The following ULK4 variants were observed in gnomAD, a reference collection of about 807,000 sequenced individuals.
ULK4 encodes inactive serine/threonine-protein kinase ULK4.
In ULK4, 133 loss-of-function variants were observed where a neutral mutation model predicts 160.6. That is an observed-to-expected ratio of 0.83 (90% CI 0.72 to 0.96). The LOEUF is 0.96. ULK4 is among the 40% of genes least tolerant of loss of function. ULK4 has a pLI of 0.00. For missense variants in ULK4, 1,580 were observed against 1,499.5 expected, an observed-to-expected ratio of 1.05 and a Z score of -0.89; for synonymous variants, 534 against 539.8, an observed-to-expected ratio of 0.99 and a Z score of 0.15.
At position 41,737,511 on chromosome 3, in the gene ULK4, C is replaced by T. The variant is rs925540178; in HGVS notation, c.2321+16850G>A. 3.9e-5 allele frequency among the ~76,000 whole-genome samples: 6 copies of T among 151,948 alleles called. No homozygotes were observed. The East Asian group carries it at 5.8e-4, about 15-fold the overall frequency. ...ACTTTCTTCACAGAACTGGAAAAAA[C>T]GACTTTCAAGTTCATATGGAACCAA... On this transcript the variant is annotated intron_variant, in intron 22 of 36. Transcript: ENST00000301831.
chr3:41,388,132 G>T (rs1011122934), intron 35 of ULK4, among the ~76,000 whole-genome samples: 1 of 152,184 alleles, frequency 6.6e-6, no homozygotes, highest in Non-Finnish European at 1.5e-5. Flanking sequence ...CAGTGATGAT[G>T]AGCGTTTTTT....
intron 27 of ULK4, among the ~76,000 whole-genome samples, chr3:41,691,385 C>G (rs2036292214): frequency 6.6e-6 from 1 of 151,830 alleles, no homozygotes; most frequent in South Asian, 2.1e-4. Flanking sequence ...GCCCACTTGG[C>G]CCTCTTCCAA....
chr3:41,655,649 G>A (rs1430810035), intron 30 of ULK4, among the ~76,000 whole-genome samples: 1 of 152,176 alleles, frequency 6.6e-6, no homozygotes, highest in Non-Finnish European at 1.5e-5. Context: ...CAAGGCTGCA[G>A]TAAGTGGTGA....
intron 31 of ULK4, among the ~76,000 whole-genome samples, chr3:41,602,459 CAG>C (rs1290319259): frequency 1.3e-5 from 2 of 151,806 alleles, no homozygotes. Flanking sequence ...GGAAGAAAGA[CAG>C]AAAACTAGAG....
chr3:41,943,698 A>G (rs1476044008), intron 2 of ULK4, among the ~76,000 whole-genome samples: 3 of 152,154 alleles, frequency 2.0e-5, no homozygotes, highest in Admixed American at 2.0e-4. Flanking sequence ...GGCTCCTGGC[A>G]TGGAATCCAC....
intron 2 of ULK4, among the ~76,000 whole-genome samples, chr3:41,953,664 G>A (rs1167356516): frequency 6.6e-6 from 1 of 152,070 alleles, no homozygotes; most frequent in Non-Finnish European, 1.5e-5. Context: ...ATCACCCAGT[G>A]TCCTTCCTTG....
At chr3:41,380,682 C>T (rs1303701736) in intron 35 of ULK4, among the ~76,000 whole-genome samples, 1 of 152,136 alleles carries the variant, frequency 6.6e-6, no homozygotes, top group Non-Finnish European at 1.5e-5. Flanking sequence ...TACAGGTCGC[C>T]ATGTAAAGCC....
chr3:41,639,798 C>T (rs1297025526), intron 30 of ULK4, among the ~76,000 whole-genome samples: 1 of 152,068 alleles, frequency 6.6e-6, no homozygotes, highest in Non-Finnish European at 1.5e-5. Context: ...AGGCAACTGT[C>T]ATTTTTATAC....
chr3:41,404,160 T>G (rs2082244220), intron 34 of ULK4, among the ~76,000 whole-genome samples: 1 of 152,064 alleles, frequency 6.6e-6, no homozygotes, highest in African/African-American at 2.4e-5. Context: ...GTTGTTCTAT[T>G]AATTCCTAAG....
intron 19 of ULK4, among the ~76,000 whole-genome samples, chr3:41,802,993 C>A (rs940979322): frequency 1.3e-5 from 2 of 151,960 alleles, no homozygotes. Flanking sequence ...GGTGAAACCC[C>A]ATCTCTACCA....
chr3:41,884,677 T>C (rs1697654671), intron 16 of ULK4, among the ~76,000 whole-genome samples: 1 of 152,198 alleles, frequency 6.6e-6, no homozygotes. Context: ...TCAGCTTTTA[T>C]TTTTTACCAT....
chr3:41,871,637 T>C (rs182133090), intron 17 of ULK4, among the ~76,000 whole-genome samples: 1 of 152,352 alleles, frequency 6.6e-6, no homozygotes. Context: ...ACTATTCATA[T>C]AGCCTCTTTG....
At chr3:41,797,257 G>C (rs1005179120) in intron 20 of ULK4, among the ~76,000 whole-genome samples, 6 of 151,760 alleles carry the variant, frequency 4.0e-5, no homozygotes, top group Admixed American at 3.9e-4. Flanking sequence ...ATATGCAACA[G>C]AGACTGTATA....
At chr3:41,486,379 C>G (rs973721055) in intron 32 of ULK4, among the ~76,000 whole-genome samples, 1 of 152,098 alleles carries the variant, frequency 6.6e-6, no homozygotes, top group African/African-American at 2.4e-5. Context: ...TTAAAGTGTG[C>G]AGAAATAAAC....
chr3:41,954,444 G>T (rs1559674850), intron 2 of ULK4, among the ~76,000 whole-genome samples, 178 bp downstream of exon 2: 1 of 152,052 alleles, frequency 6.6e-6, no homozygotes, highest in South Asian at 2.1e-4. Context: ...TCATTACTTG[G>T]ATATGTTTAT....
chr3:41,389,337 T>G (rs1359618128), intron 35 of ULK4, among the ~76,000 whole-genome samples: 7 of 152,208 alleles, frequency 4.6e-5, no homozygotes, highest in Non-Finnish European at 8.8e-5. Flanking sequence ...TTTGACTTCC[T>G]GTTTTCCTAA....
chr3:41,634,545 G>A (rs940735294), intron 30 of ULK4, among the ~76,000 whole-genome samples: 1 of 152,200 alleles, frequency 6.6e-6, no homozygotes, highest in African/African-American at 2.4e-5. Context: ...ATATGTAAGA[G>A]AATAGCGTGT....
chr3:41,831,229 T>C (rs184803156), intron 18 of ULK4, among the ~76,000 whole-genome samples: 1 of 151,912 alleles, frequency 6.6e-6, no homozygotes, highest in East Asian at 1.9e-4. Context: ...TTTCACCATG[T>C]TGACCAGGGC....
intron 32 of ULK4, among the ~76,000 whole-genome samples, chr3:41,513,449 A>G (rs1485294185): frequency 6.6e-6 from 1 of 152,200 alleles, no homozygotes; most frequent in Admixed American, 6.5e-5. Context: ...CATCCTGGCA[A>G]CAATGAAGCC....
Sources: gnomAD v4.1 joint callset for allele counts (sites outside exome capture counted in the v4.1 genomes callset) on GRCh38, gnomAD v4.1.1 for gene constraint, MANE v1.5 for transcripts, NCBI Gene and HGNC (gene_info 2026-07-23, HGNC 2026-07-21) for gene names.